The following SUGCT variants were observed in gnomAD, a reference collection of about 807,000 sequenced individuals.
SUGCT encodes the protein succinyl-CoA:glutarate-CoA transferase, also known as succinyl-CoA:glutarate CoA-transferase.
In SUGCT, 41 loss-of-function variants were observed where a neutral mutation model predicts 55.0. The observed-to-expected ratio is 0.74, with a 90% CI of 0.58 to 0.97. The LOEUF (loss-of-function observed/expected upper bound fraction) is 0.97. SUGCT is among the 50% of genes least tolerant of loss of function. The probability of loss-of-function intolerance (pLI) is 0.00; values close to 1 mark genes in which losing one functional copy is unlikely to be tolerated. For missense variants in SUGCT, 568 were observed against 547.8 expected, an observed-to-expected ratio of 1.04 and a Z score of -0.37; for synonymous variants, 187 against 200.4, an observed-to-expected ratio of 0.93 and a Z score of 0.56.
chr7:40,820,691 T>C (rs1357742409), intron 13 of SUGCT, among the ~76,000 whole-genome samples: 1 of 152,188 alleles, frequency 6.6e-6, no homozygotes, highest in Non-Finnish European at 1.5e-5. Flanking sequence ...TTTCTAAATA[T>C]ACAATCATGT....
At chr7:40,630,270 G>A (rs957229045) in intron 12 of SUGCT, among the ~76,000 whole-genome samples, 1 of 152,188 alleles carries the variant, frequency 6.6e-6, no homozygotes, top group African/African-American at 2.4e-5. Flanking sequence ...TACGTATGAA[G>A]TCACAACACA....
At chr7:40,910,578 T>C in the SUGCT span, among the ~76,000 whole-genome samples, 17 of 152,186 alleles carry the variant, frequency 1.1e-4, 2 homozygotes, top group Admixed American at 9.2e-4. Context: ...AATGCCTGCC[T>C]ATGTGTCTAG....
At chr7:40,526,055 C>A (rs1793777132) in intron 12 of SUGCT, among the ~76,000 whole-genome samples, 1 of 152,144 alleles carries the variant, frequency 6.6e-6, no homozygotes, top group Admixed American at 6.6e-5. Flanking sequence ...GTCAGTCTTT[C>A]AGGAAAAGTT....
chr7:40,801,229 T>C (rs571300328), intron 13 of SUGCT, among the ~76,000 whole-genome samples: 7 of 152,338 alleles, frequency 4.6e-5, no homozygotes, highest in Admixed American at 4.6e-4. Flanking sequence ...AGCATACACA[T>C]GAGCCATCCG....
the SUGCT span, among the ~76,000 whole-genome samples, chr7:40,866,712 G>A: frequency 1.3e-5 from 2 of 151,906 alleles, no homozygotes; most frequent in African/African-American, 2.4e-5. Flanking sequence ...AGTCCCAAAC[G>A]TTTTGTCTCA....
chr7:40,257,302 T>C (rs1298271238), intron 7 of SUGCT, among the ~76,000 whole-genome samples: 1 of 152,200 alleles, frequency 6.6e-6, no homozygotes, highest in Non-Finnish European at 1.5e-5. Context: ...GTTGATTCCC[T>C]TGATATTGTC....
chr7:40,618,177 T>C (rs908015172), intron 12 of SUGCT, among the ~76,000 whole-genome samples: 1 of 152,232 alleles, frequency 6.6e-6, no homozygotes, highest in Admixed American at 6.5e-5. Context: ...ATTCTTATTT[T>C]GTTAGAGTAC....
At chr7:40,567,582 C>A (rs1796216620) in intron 12 of SUGCT, among the ~76,000 whole-genome samples, 1 of 152,202 alleles carries the variant, frequency 6.6e-6, no homozygotes, top group Admixed American at 6.5e-5. Context: ...TTCCTCCTCT[C>A]TATCCTCTGG....
intron 13 of SUGCT, among the ~76,000 whole-genome samples, chr7:40,829,346 A>G (rs1792534416): frequency 1.3e-5 from 2 of 152,082 alleles, no homozygotes; most frequent in Admixed American, 1.3e-4. Context: ...TTTGCCATAC[A>G]CTGTTGCTCT....
chr7:40,181,098 T>A, intron 2 of SUGCT, 100 bp downstream of exon 2: 1 of 849,228 alleles, frequency 1.2e-6, no homozygotes, highest in Non-Finnish European at 1.9e-6. Flanking sequence ...ATGCTTATGT[T>A]GAAATTTTAG....
intron 13 of SUGCT, chr7:40,793,118 C>T (rs565530519): frequency 6.6e-6 from 1 of 151,984 alleles, no homozygotes; most frequent in Non-Finnish European, 1.5e-5. Flanking sequence ...CTGGATTTGC[C>T]TGCATTATAC....
chr7:40,924,627 C>T, the SUGCT span, among the ~76,000 whole-genome samples: 2 of 152,136 alleles, frequency 1.3e-5, no homozygotes, highest in East Asian at 1.9e-4. Context: ...CAGTCATCAG[C>T]ATGGATCCAA....
At chr7:40,464,371 C>T (rs1446730389) in intron 11 of SUGCT, among the ~76,000 whole-genome samples, 2 of 152,072 alleles carry the variant, frequency 1.3e-5, no homozygotes, top group African/African-American at 2.4e-5. Flanking sequence ...TTGGGGAGCC[C>T]AGAGAAGGAG....
chr7:40,898,668 G>A, the SUGCT span, among the ~76,000 whole-genome samples: 1 of 151,948 alleles, frequency 6.6e-6, no homozygotes, highest in African/African-American at 2.4e-5. Context: ...ACCTTGCAGT[G>A]AGCAGAGATC....
rs1324860420 is a variant in SUGCT, at chr7:40,189,536, A to G, written c.313-8A>G. ...ATAATATATATATATATATTTTTTA[A>G]TTTTTAGAGTATTGCTGTTAATATC... On this transcript the variant is annotated splice_region_variant and splice_polypyrimidine_tract_variant and intron_variant, in intron 4 of 13. Transcript: ENST00000335693. 8 of 1,123,290 alleles carry G rather than the reference A, an allele frequency of 7.1e-6. No individual in the cohort carries two copies. Among genetic ancestry groups the G allele is most frequent in the Non-Finnish European group, 9.3e-6 (8 of 859,432 alleles). The allele number at this position is 1,123,290 out of a possible 1,614,324, so 69.6% of individuals were successfully genotyped here. A position where few individuals can be genotyped will look rare whatever the true frequency, so the allele number is the denominator to read the frequency against.
intron 12 of SUGCT, among the ~76,000 whole-genome samples, chr7:40,657,822 C>T (rs1463649492): frequency 3.9e-5 from 6 of 152,228 alleles, no homozygotes; most frequent in Non-Finnish European, 8.8e-5. Flanking sequence ...GCCTGAGCCA[C>T]TGCGCCCGGC....
the SUGCT span, among the ~76,000 whole-genome samples, chr7:41,018,981 C>T: frequency 6.6e-6 from 1 of 151,510 alleles, no homozygotes; most frequent in African/African-American, 2.4e-5. Context: ...TCTTGGCTCA[C>T]TGCAACCTCT....
At chr7:41,001,849 C>T in the SUGCT span, among the ~76,000 whole-genome samples, 1 of 152,144 alleles carries the variant, frequency 6.6e-6, no homozygotes, top group African/African-American at 2.4e-5. Flanking sequence ...AGGGATGTAG[C>T]CTCCAGGCAA....
chr7:40,951,072 G>T, the SUGCT span, among the ~76,000 whole-genome samples: 1 of 152,142 alleles, frequency 6.6e-6, no homozygotes, highest in Non-Finnish European at 1.5e-5. Context: ...GAATTCAGCT[G>T]TGAATCCATC....
Sources: allele counts gnomAD v4.1 joint callset (sites outside exome capture counted in the v4.1 genomes callset), GRCh38; gene constraint gnomAD v4.1.1; transcripts MANE v1.5; gene names NCBI Gene and HGNC (gene_info 2026-07-23, HGNC 2026-07-21).